SH3TC1: variants seen among roughly 807,000 people sequenced by gnomAD.
The protein encoded by SH3TC1 is SH3 domain and tetratricopeptide repeats 1, also known as SH3 domain and tetratricopeptide repeat-containing protein 1.
A neutral mutation model predicts 117.3 loss-of-function variants in SH3TC1; 135 were observed. That is an observed-to-expected ratio of 1.15 (90% confidence interval 1.00 to 1.33). SH3TC1 has a LOEUF of 1.33. Among genes scored for constraint, SH3TC1 ranks in the 40% most tolerant of loss-of-function variants. SH3TC1 has a pLI of 0.00. For missense variants in SH3TC1, 2,092 were observed against 1,794.3 expected, an observed-to-expected ratio of 1.17 and a Z score of -3.00; for synonymous variants, 898 against 816.9, an observed-to-expected ratio of 1.10 and a Z score of -1.69.
rs1022844300 is a variant in SH3TC1, at chr4:8,192,447, C to CTTTTTTATTTTAT, written c.-57+10240_-57+10241insTTTATTTTATTTT. 7.2e-6 allele frequency among the ~76,000 whole-genome samples: 1 copy of CTTTTTTATTTTAT among 138,368 alleles called. No homozygotes were observed. Among genetic ancestry groups the CTTTTTTATTTTAT allele is most frequent in the African/African-American group, 2.7e-5 (1 of 36,992 alleles). 90.8% of individuals were successfully genotyped at this position (138,368 alleles called of 152,430 possible). A position where few individuals can be genotyped will look rare whatever the true frequency, so the allele number is the denominator to read the frequency against. On this transcript the variant is annotated intron_variant, in intron 1 of 16. Coordinates refer to the SH3TC1 transcript ENST00000508641. This position sits in a 1 kb window ranked among gnomAD's most constrained non-coding sequence, Gnocchi z 4.1. The stretch of plus-strand genomic sequence containing the variant: ...ACAATCTTCTTATCCAACCACTTGT[C>CTTTTTTATTTTAT]TTTATTTTATTTTATTTTATTTTAT...
intron 1 of SH3TC1, among the ~76,000 whole-genome samples, chr4:8,185,125 C>T (rs1238626357): frequency 6.6e-6 from 1 of 151,380 alleles, no homozygotes; most frequent in Non-Finnish European, 1.5e-5. Context: ...CACTTGAGGT[C>T]AGGAGTTCGA....
intron 17 of SH3TC1, among the ~76,000 whole-genome samples, chr4:8,239,264 CAG>C (rs748335179): frequency 6.8e-6 from 1 of 147,280 alleles, no homozygotes; most frequent in Non-Finnish European, 1.5e-5. Flanking sequence ...CACACACACA[CAG>C]AGACACATGC....
chr4:8,198,381 C>T (rs1341281109), upstream of SH3TC1, among the ~76,000 whole-genome samples: 4 of 152,234 alleles, frequency 2.6e-5, no homozygotes, highest in Non-Finnish European at 5.9e-5. Context: ...AGGGATCCCT[C>T]CCATTCCCAC....
rs1405221527 is a variant in SH3TC1 at position 8,228,071 on chromosome 4, G to A, written c.2377G>A (p.Ala793Thr). Residue 793 changes from alanine to threonine, a missense_variant, in exon 12 of 18, where the codon GCC becomes ACC. Ala to Thr is a moderately conservative substitution (Grantham distance 58). Coordinates refer to ENST00000245105, the MANE Select transcript of SH3TC1 (RefSeq NM_018986.5). ...ALRGPLYTSL[A>T]QLYSHHGCHG... is the part of the protein sequence containing the mutation. Reference sequence around the variant, plus strand: ...GCGCGGCCCCCTCTACACCAGCTTGGCCCAGCTGTACAGCCACCATGGCTG... The same window carrying A: ...GCGCGGCCCCCTCTACACCAGCTTGACCCAGCTGTACAGCCACCATGGCTG... 7 of 1,606,020 alleles carry A rather than the reference G, an allele frequency of 4.4e-6. No individual in the cohort carries two copies. The highest frequency in any genetic ancestry group is 5.1e-6 in the Non-Finnish European group (6 of 1,175,706).
At chr4:8,239,144 C>T (rs1485954542) in intron 17 of SH3TC1, among the ~76,000 whole-genome samples, 1 of 152,182 alleles carries the variant, frequency 6.6e-6, no homozygotes, top group East Asian at 1.9e-4. Context: ...AGAGTGAGCC[C>T]TGGAATAGGG....
chr4:8,214,385 C>A, intron 4 of SH3TC1, 90 bp from the exon 5 acceptor site: 2 of 1,235,086 alleles, frequency 1.6e-6, no homozygotes, highest in Non-Finnish European at 2.3e-6. Flanking sequence ...GCCACATCTG[C>A]AAGATGTCTC....
At chr4:8,236,037 C>T (rs1385138580) in intron 15 of SH3TC1, 4 of 531,394 alleles carry the variant, frequency 7.5e-6, no homozygotes, top group South Asian at 2.6e-5. Context: ...CAGTCAGACC[C>T]CTGGTGCCCA....
intron 7 of SH3TC1, 145 bp from the exon 8 acceptor site, chr4:8,218,126 G>A: frequency 1.8e-6 from 1 of 569,454 alleles, no homozygotes; most frequent in Non-Finnish European, 3.2e-6. Context: ...ATGTGTGTGT[G>A]TGTGTGTGTG....
chr4:8,228,801 G>T (rs1248300490), intron 12 of SH3TC1, among the ~76,000 whole-genome samples, 157 bp downstream of exon 12: 1 of 152,254 alleles, frequency 6.6e-6, no homozygotes, highest in Non-Finnish European at 1.5e-5. Flanking sequence ...GAGACAGGCA[G>T]TTCCCACGCA....
chr4:8,213,464 T>A (rs1718929905), intron 4 of SH3TC1, among the ~76,000 whole-genome samples: 1 of 152,222 alleles, frequency 6.6e-6, no homozygotes. Context: ...ACCAAGCACC[T>A]GCAGGCTGCT....
chr4:8,228,472 C>T lies in SH3TC1; in HGVS notation c.2778C>T (p.Leu926=), dbSNP rs1443267924. ...AGASRLAQHY[L]LEAVRLFSRL... is the part of the protein sequence containing the mutation. ...CCAGCAGGCTGGCCCAGCACTACCT[C>T]CTGGAGGCCGTGCGGCTGTTCTCGA... Residue 926 remains leucine (L), a synonymous_variant, in exon 12 of 18, where the codon CTC becomes CTT. Transcript: ENST00000245105. 6.2e-7 allele frequency: 1 copy of T among 1,609,396 alleles called. No homozygotes were observed. The highest frequency in any genetic ancestry group is 1.3e-5 in the African/African-American group (1 of 74,940).
rs149468044 is a variant in SH3TC1, at chr4:8,217,050, C to T, written c.722C>T (p.Ser241Leu). The T allele has an allele frequency of 1.7e-4, 273 of 1,613,066 alleles. No homozygotes were observed. Among genetic ancestry groups the T allele is most frequent in the Non-Finnish European group, 2.2e-4 (255 of 1,179,606 alleles). The change falls in exon 7 of 18, where the codon TCG (serine) becomes TTG (leucine). Residue 241 changes from serine (S) to leucine (L), a missense_variant. By Grantham distance (145) the Ser-to-Leu change is moderately radical. Transcript: ENST00000245105. ...GGCCCCCAGGCCCTCAGGCAGGCTTCGGGGGCACCCCAGGGAGAGGCGGCC... is the reference window on the plus strand; with the variant it reads ...GGCCCCCAGGCCCTCAGGCAGGCTTTGGGGGCACCCCAGGGAGAGGCGGCC... ...GNGPQALRQA[S>L]GAPQGEAAPE...
intron 1 of SH3TC1, among the ~76,000 whole-genome samples, chr4:8,201,005 C>T (rs1717794309): frequency 6.6e-6 from 1 of 152,200 alleles, no homozygotes; most frequent in Admixed American, 6.5e-5. Flanking sequence ...AAATAAGGCC[C>T]CATTCTGAGG....
At chr4:8,212,940 A>G (rs1578676027) in intron 4 of SH3TC1, 112 bp downstream of exon 4, 1 of 1,391,660 alleles carries the variant, frequency 7.2e-7, no homozygotes, top group South Asian at 1.5e-5. Context: ...TCAGAGAGCG[A>G]GAGCCACTCA....
At chr4:8,224,860 C>A (rs184268653) in intron 10 of SH3TC1, among the ~76,000 whole-genome samples, 4 of 152,268 alleles carry the variant, frequency 2.6e-5, no homozygotes, top group African/African-American at 7.2e-5. Flanking sequence ...GAGTGGAATC[C>A]CCACAGGGGT....
chr4:8,182,984 A>T (rs1168224271), intron 1 of SH3TC1, among the ~76,000 whole-genome samples: 1 of 152,142 alleles, frequency 6.6e-6, no homozygotes, highest in Non-Finnish European at 1.5e-5. Flanking sequence ...GACTGGACGC[A>T]GAGGCTGTTG....
At position 8,225,313 on chromosome 4, in the gene SH3TC1, G is replaced by A. The variant is rs1351951359; in HGVS notation, c.1285+97G>A. 22 of 1,397,150 alleles carry A rather than the reference G, an allele frequency of 1.6e-5. No individual in the cohort carries two copies. Among genetic ancestry groups the A allele is most frequent in the South Asian group, 5.0e-5 (4 of 80,604 alleles). The allele number at this position is 1,397,150 out of a possible 1,614,324, so 86.5% of individuals were successfully genotyped here. A position where few individuals can be genotyped will look rare whatever the true frequency, so the allele number is the denominator to read the frequency against. ...CAAAGCTGAGCACGGTGGGCATTGG[G>A]TGCGGCTGTCACCCCTCTGTGGTGT... On this transcript the variant is annotated intron_variant, in intron 11 of 17. Transcript: ENST00000245105. This position sits in a 1 kb window ranked among gnomAD's most constrained non-coding sequence, Gnocchi z 5.5.
At chr4:8,238,919 G>A (rs1020000591) in intron 17 of SH3TC1, among the ~76,000 whole-genome samples, 2 of 152,210 alleles carry the variant, frequency 1.3e-5, no homozygotes, top group Non-Finnish European at 2.9e-5. Flanking sequence ...GCGCAGGCCA[G>A]CTTCCCACAG....
At chr4:8,218,375 T>C in intron 8 of SH3TC1, 28 bp downstream of exon 8, 1 of 1,576,876 alleles carries the variant, frequency 6.3e-7, no homozygotes. Flanking sequence ...CCTCTCTTTT[T>C]TGGGGAAATG....
Sources: gnomAD v4.1 joint callset for allele counts (sites outside exome capture counted in the v4.1 genomes callset) on GRCh38, gnomAD v4.1.1 for gene constraint, Gnocchi (gnomAD v3.1) non-coding constraint, MANE v1.5 for transcripts, NCBI Gene and HGNC (gene_info 2026-07-23, HGNC 2026-07-21) for gene names.